SPG11: variants seen among roughly 807,000 people sequenced by gnomAD.
SPG11 encodes spatacsin.
Under a neutral mutation model 274.0 loss-of-function variants are expected in SPG11, and 222 were observed. The observed-to-expected ratio is 0.81, with a 90% CI of 0.73 to 0.91. SPG11 has a LOEUF of 0.91. Among genes scored for constraint, SPG11 ranks in the 40% least tolerant of loss-of-function variants. The probability of loss-of-function intolerance (pLI) is 0.00; values close to 1 mark genes in which losing one functional copy is unlikely to be tolerated. For synonymous variants in SPG11, 1,144 were observed against 1,039.7 expected, an observed-to-expected ratio of 1.10 and a Z score of -1.93; for missense variants, 3,114 against 2,872.7, an observed-to-expected ratio of 1.08 and a Z score of -1.92.
intron 7 of SPG11, among the ~76,000 whole-genome samples, chr15:44,641,922 G>GAAAAAAAAAAAAAAAAAA (rs71111874): frequency 5.4e-5 from 3 of 55,890 alleles, no homozygotes; most frequent in Admixed American, 2.2e-4. Flanking sequence ...CTGCTTAACA[G>GAAAAAAAAAAAAAAAAAA]AAAAAAAAAA....
Position 44,622,791 on chromosome 15 carries a change from A to G in SPG11, c.2253T>C (p.Asp751=), listed in dbSNP as rs771376936. The G allele has an allele frequency of 2.5e-6, 4 of 1,613,576 alleles. No individual in the cohort carries two copies. The highest frequency in any genetic ancestry group is 3.3e-5 in the Admixed American group (2 of 60,014). Residue 751 remains aspartate (D), a synonymous_variant, in exon 12 of 40, where the codon GAT becomes GAC. Coordinates refer to ENST00000261866, the MANE Select transcript of SPG11 (RefSeq NM_025137.4). ...AGATCTTGAGCAATTGGCCTTTTACATCAAACCCCTAAAATAAACATAGAA... is the reference window on the plus strand; with the variant it reads ...AGATCTTGAGCAATTGGCCTTTTACGTCAAACCCCTAAAATAAACATAGAA... ...ASELLKNMGF[D]VKGQLLKICF...
intron 20 of SPG11, among the ~76,000 whole-genome samples, chr15:44,601,372 C>T (rs766636605): frequency 6.6e-6 from 1 of 151,810 alleles, no homozygotes; most frequent in Non-Finnish European, 1.5e-5. Context: ...GTGATCCTCC[C>T]ACTTCAGCCT....
At chr15:44,604,445 AT>A in intron 20 of SPG11, among the ~76,000 whole-genome samples, 1 of 152,356 alleles carries the variant, frequency 6.6e-6, no homozygotes, top group Middle Eastern at 3.4e-3. Context: ...AAATAAGACC[AT>A]AATTTTTTAG....
intron 19 of SPG11, among the ~76,000 whole-genome samples, chr15:44,607,534 G>A (rs1427464471): frequency 1.3e-5 from 2 of 152,146 alleles, no homozygotes; most frequent in African/African-American, 4.8e-5. Context: ...CTCCCAAAGT[G>A]TTGGGATTAC....
chr15:44,621,136 G>A (rs2083736310), intron 14 of SPG11: 1 of 153,138 alleles, frequency 6.5e-6, no homozygotes, highest in Admixed American at 6.5e-5. Context: ...ACCGTGCCTG[G>A]CCACATTGTT....
rs2083069749 is a variant in SPG11, at chr15:44,597,237, C to T, written c.4002-294G>A. ...CAAGCAGTTCTCCTGTCTCAGCCTC[C>T]GAGTAGCTGGGATTACAGGCATGTG... On this transcript the variant is annotated intron_variant, in intron 23 of 39. Transcript: ENST00000261866. 1.3e-5 allele frequency: 4 copies of T among 311,346 alleles called. 1 individual carries two copies. Among genetic ancestry groups the T allele is most frequent in the Admixed American group, 8.5e-5 (2 of 23,404 alleles). The allele number at this position is 311,346 out of a possible 1,614,324, so 19.3% of individuals were successfully genotyped here. A position where few individuals can be genotyped will look rare whatever the true frequency, so the allele number is the denominator to read the frequency against.
At chr15:44,591,846 A>C (rs890917286) in intron 27 of SPG11, among the ~76,000 whole-genome samples, 33 of 152,160 alleles carry the variant, frequency 2.2e-4, no homozygotes, top group Non-Finnish European at 4.7e-4. Context: ...GCAGTGGCTT[A>C]CGCCTGTAAT....
chr15:44,595,161 T>G (rs2083002390), intron 26 of SPG11, 98 bp downstream of exon 26: 8 of 1,217,944 alleles, frequency 6.6e-6, no homozygotes, highest in Middle Eastern at 2.6e-4. Context: ...TGTTGTTGGC[T>G]AAAAAAAAAT....
At chr15:44,627,243 A>G (rs993618432) in intron 10 of SPG11, among the ~76,000 whole-genome samples, 2 of 152,228 alleles carry the variant, frequency 1.3e-5, no homozygotes, top group Non-Finnish European at 2.9e-5. Context: ...GCTACTACCA[A>G]TAATCCATGT....
At chr15:44,565,710 C>T (rs1476965480) in intron 38 of SPG11, 144 bp downstream of exon 38, 3 of 1,031,704 alleles carry the variant, frequency 2.9e-6, no homozygotes, top group Non-Finnish European at 4.4e-6. Context: ...AATTGCCGTT[C>T]TATGTTGGTA....
intron 38 of SPG11, 82 bp from the exon 39 acceptor site, chr15:44,564,780 T>C (rs2140911790): frequency 7.0e-7 from 1 of 1,425,388 alleles, no homozygotes; most frequent in South Asian, 1.2e-5. Context: ...AAAACAATAC[T>C]GTATACTCAC....
At chr15:44,643,711 G>A (rs750008215) in intron 7 of SPG11, among the ~76,000 whole-genome samples, 6 of 152,006 alleles carry the variant, frequency 3.9e-5, no homozygotes, top group Middle Eastern at 3.4e-3. Flanking sequence ...ACACTTTTGC[G>A]TTTCAAAGGA....
intron 28 of SPG11, 118 bp downstream of exon 28, chr15:44,589,134 T>C (rs1016722520): frequency 8.7e-6 from 9 of 1,030,214 alleles, no homozygotes; most frequent in Non-Finnish European, 1.3e-5. Flanking sequence ...TTACTCCCAG[T>C]TGTAGACTGT....
intron 21 of SPG11, 176 bp downstream of exon 21, chr15:44,600,291 C>A: frequency 1.6e-6 from 1 of 620,368 alleles, no homozygotes; most frequent in East Asian, 2.9e-5. Flanking sequence ...TTTTATTTTA[C>A]TTTTTTTGTT....
chr15:44,566,405 C>G lies in SPG11; in HGVS notation c.6755-100G>C, dbSNP rs2082310339. On this transcript the variant is annotated intron_variant, in intron 36 of 39. Coordinates refer to ENST00000261866, the MANE Select transcript of SPG11 (RefSeq NM_025137.4). ...GTGGCTAGAATAGAAACATCCCAGC[C>G]ATGTTCACAGGCAGGCAGGAACACC... The G allele has an allele frequency of 2.5e-5, 30 of 1,201,272 alleles. No individual in the cohort carries two copies. In the South Asian group the frequency reaches 3.6e-4, roughly 14 times the overall value. 74.4% of individuals were successfully genotyped at this position (1,201,272 alleles called of 1,614,324 possible).
At chr15:44,571,602 A>G (rs1032645351) in intron 33 of SPG11, among the ~76,000 whole-genome samples, 3 of 144,394 alleles carry the variant, frequency 2.1e-5, no homozygotes, top group Admixed American at 7.3e-5. Flanking sequence ...GGTTCAGGCC[A>G]TTCTCCTGCT....
At chr15:44,593,472 G>A (rs2082953411) in intron 26 of SPG11, among the ~76,000 whole-genome samples, 1 of 152,204 alleles carries the variant, frequency 6.6e-6, no homozygotes. Flanking sequence ...TTACAAGTGT[G>A]CGCTAGCATG....
chr15:44,636,956 A>AAAAAAAC (rs2084291217), intron 7 of SPG11, among the ~76,000 whole-genome samples: 1 of 125,000 alleles, frequency 8.0e-6, no homozygotes. Context: ...AAAAAAAAAA[A>AAAAAAAC]ACAAAAAAAA....
chr15:44,623,987 T>C (rs2083826375), intron 11 of SPG11, among the ~76,000 whole-genome samples: 1 of 152,096 alleles, frequency 6.6e-6, no homozygotes, highest in Non-Finnish European at 1.5e-5. Context: ...CTCAAACTCC[T>C]GCTTCAAAAG....
Sources: gnomAD v4.1 joint callset for allele counts (sites outside exome capture counted in the v4.1 genomes callset) on GRCh38, gnomAD v4.1.1 for gene constraint, MANE v1.5 for transcripts, NCBI Gene and HGNC (gene_info 2026-07-23, HGNC 2026-07-21) for gene names.